The following DUS2 variants were observed in gnomAD, a reference collection of about 807,000 sequenced individuals.
The protein encoded by DUS2 is tRNA-dihydrouridine(20) synthase [NAD(P)+]-like.
DUS2 carries 52 observed loss-of-function variants against 71.3 expected under a neutral mutation model. The ratio of observed to expected loss-of-function variants is 0.73; its 90% CI spans 0.58 to 0.92. DUS2 has a LOEUF of 0.92. DUS2 is among the 40% of genes least tolerant of loss of function. The probability of loss-of-function intolerance (pLI) is 0.00; values close to 1 mark genes in which losing one functional copy is unlikely to be tolerated. For missense variants in DUS2, 558 were observed against 622.6 expected (o/e 0.90, Z 1.10); for synonymous variants, 204 against 227.8 (o/e 0.90, Z 0.94).
At chr16:68,066,234 G>A in intron 8 of DUS2, 83 bp from the exon 9 acceptor site, 2 of 1,275,486 alleles carry the variant, frequency 1.6e-6, no homozygotes, top group East Asian at 2.3e-5. Context: ...GGAATGCACA[G>A]CCTGTAGCGG....
At chr16:68,066,420 CTGG>C (rs1256742999) in intron 9 of DUS2, 38 bp downstream of exon 9, 1 of 1,606,178 alleles carries the variant, frequency 6.2e-7, no homozygotes, top group South Asian at 1.1e-5. Context: ...TCCATTCTCT[CTGG>C]TGATGTTGGA....
At chr16:68,075,243 T>G in intron 13 of DUS2, 112 bp from the exon 14 acceptor site, 5 of 1,021,436 alleles carry the variant, frequency 4.9e-6, no homozygotes, top group Non-Finnish European at 6.8e-6. Flanking sequence ...CCCGGTGGTG[T>G]TTTGGTGTAT....
chr16:68,042,902 T>G (rs1056489030), intron 3 of DUS2, among the ~76,000 whole-genome samples: 6 of 151,780 alleles, frequency 4.0e-5, no homozygotes, highest in African/African-American at 1.5e-4. Flanking sequence ...AGAGACGGGT[T>G]TTTCCATGTT....
At position 68,055,798 on chromosome 16, in the gene DUS2, G is replaced by A. The variant is rs143477234; in HGVS notation, c.309-566G>A. 5.1e-3 allele frequency among the ~76,000 whole-genome samples: 758 copies of A among 147,536 alleles called. 7 individuals carry two copies. Among genetic ancestry groups the A allele is most frequent in the African/African-American group, 0.017 (693 of 40,636 alleles). On this transcript the variant is annotated intron_variant, in intron 6 of 16. Transcript: ENST00000565263. Reference sequence around the variant, plus strand: ...CTATTAACTATGTATTACTATTTAGGTTGGTGCAAAAGTAATTGCGGTTTT... The same window carrying A: ...CTATTAACTATGTATTACTATTTAGATTGGTGCAAAAGTAATTGCGGTTTT...
At chr16:68,072,134 G>A (rs1187669579) in intron 12 of DUS2, among the ~76,000 whole-genome samples, 1 of 152,220 alleles carries the variant, frequency 6.6e-6, no homozygotes, top group Non-Finnish European at 1.5e-5. Context: ...GCCTAGGAGT[G>A]CCTGTGGCTG....
chr16:68,064,841 A>T (rs2033984507), intron 8 of DUS2, among the ~76,000 whole-genome samples: 1 of 152,108 alleles, frequency 6.6e-6, no homozygotes, highest in East Asian at 1.9e-4. Context: ...GGCCTGCTTC[A>T]TCCTGTCCCT....
At chr16:68,027,491 C>T (rs2033369268) in intron 2 of DUS2, among the ~76,000 whole-genome samples, 1 of 152,216 alleles carries the variant, frequency 6.6e-6, no homozygotes, top group South Asian at 2.1e-4. Flanking sequence ...AATCCGCCTG[C>T]CTTGGCCTCC....
intron 3 of DUS2, 131 bp downstream of exon 3, chr16:68,038,280 A>G: frequency 7.6e-7 from 1 of 1,307,552 alleles, no homozygotes; most frequent in Non-Finnish European, 1.0e-6. Context: ...CAAAGGCTGG[A>G]GGAGACAAAC....
chr16:68,060,312 TTTTG>T (rs1011146049), intron 7 of DUS2, among the ~76,000 whole-genome samples: 4 of 151,970 alleles, frequency 2.6e-5, no homozygotes, highest in African/African-American at 9.7e-5. Context: ...ATGATGACTT[TTTTG>T]TTTGTTTGTT....
chr16:68,071,080 A>T lies in DUS2; in HGVS notation c.782A>T (p.Glu261Val). ...CTCAAGGAGGGTCTGCGGCCCCTGG[A>T]GGAGGTCATGCAGAAATACATCAGA... ...IFLKEGLRPLEEVMQKYIRYA... is the reference protein window; with the variant it reads ...IFLKEGLRPLVEVMQKYIRYA... Residue 261 changes from glutamate to valine, a missense_variant, in exon 12 of 17, where the codon GAG (glutamate) becomes GTG (valine). Transcript: ENST00000565263. 6.2e-7 allele frequency: 1 copy of T among 1,614,194 alleles called. No individual in the cohort carries two copies. The highest frequency in any genetic ancestry group is 2.2e-5 in the East Asian group (1 of 44,888).
At position 68,078,812 on chromosome 16, in the gene DUS2, C is replaced by A; in HGVS notation, c.1308C>A (p.Leu436=). The change falls in exon 17 of 17, where the codon CTC becomes CTA. Residue 436 remains leucine, a synonymous_variant. Coordinates refer to ENST00000565263, the MANE Select transcript of DUS2 (RefSeq NM_017803.5). ...AAIVCLRSQG[L]PEGRLGEESP... ...TCGTCTGTCTGCGGAGCCAGGGCCT[C>A]CCTGAGGGTCGGCTGGGTGAGGAGA... The A allele has an allele frequency of 6.2e-7, 1 of 1,613,316 alleles. No individual in the cohort carries two copies. The highest frequency in any genetic ancestry group is 1.1e-5 in the South Asian group (1 of 91,080).
chr16:68,053,642 TG>T lies in DUS2; in HGVS notation c.253del (p.Val85SerfsTer19). 2 of 1,614,172 alleles carry T rather than the reference TG, an allele frequency of 1.2e-6. No individual in the cohort carries two copies. Among genetic ancestry groups the T allele is most frequent in the Non-Finnish European group, 8.5e-7 (1 of 1,180,038 alleles). On this transcript the variant is annotated frameshift_variant, in exon 5 of 17. Coordinates refer to ENST00000565263, the MANE Select transcript of DUS2 (RefSeq NM_017803.5). LOFTEE classifies it high-confidence loss of function. ...ACCTGTGAAAGAGAGCAGAACAGGGTGGTCTTCCAGATGGTGAGAGACTCCA... is the reference window on the plus strand; with the variant it reads ...ACCTGTGAAAGAGAGCAGAACAGGGTGTCTTCCAGATGGTGAGAGACTCCA... Reference protein sequence around the residue: ...FRTCEREQNRVVFQMGTSDAE... With the variant: ...FRTCEREQNRXVFQMGTSDAE...
At chr16:68,059,282 C>G (rs1272571434) in intron 7 of DUS2, among the ~76,000 whole-genome samples, 2 of 152,018 alleles carry the variant, frequency 1.3e-5, no homozygotes. Context: ...ACTTCTTACT[C>G]GTTACCCATT....
chr16:68,045,117 C>T (rs2033682446), intron 3 of DUS2, among the ~76,000 whole-genome samples: 1 of 152,028 alleles, frequency 6.6e-6, no homozygotes, highest in Non-Finnish European at 1.5e-5. Context: ...GATGTTATTA[C>T]AAATGGAATT....
intron 15 of DUS2, among the ~76,000 whole-genome samples, 194 bp downstream of exon 15, chr16:68,076,913 C>G (rs1427083466): frequency 7.0e-6 from 1 of 142,168 alleles, no homozygotes; most frequent in South Asian, 2.2e-4. Flanking sequence ...AGACATCTCT[C>G]TTTTTTTTTT....
At chr16:68,064,461 A>G (rs1403925845) in intron 8 of DUS2, among the ~76,000 whole-genome samples, 1 of 152,214 alleles carries the variant, frequency 6.6e-6, no homozygotes, top group Non-Finnish European at 1.5e-5. Flanking sequence ...TAAAATAGCA[A>G]AAGGAAGTTC....
chr16:68,049,593 G>T (rs1184968479), intron 4 of DUS2, 43 bp downstream of exon 4: 1 of 1,598,122 alleles, frequency 6.3e-7, no homozygotes, highest in African/African-American at 1.3e-5. Flanking sequence ...ATGCCCTGCT[G>T]GGCTCAAGCA....
At chr16:68,043,605 C>A (rs1464855472) in intron 3 of DUS2, among the ~76,000 whole-genome samples, 4 of 151,994 alleles carry the variant, frequency 2.6e-5, no homozygotes, top group Admixed American at 2.6e-4. Flanking sequence ...TCATATTCAC[C>A]CAGAATAGGT....
intron 6 of DUS2, 138 bp from the exon 7 acceptor site, chr16:68,056,226 G>A (rs1267214669): frequency 3.1e-6 from 2 of 637,804 alleles, no homozygotes; most frequent in East Asian, 2.8e-5. Context: ...TTCAGCTTCT[G>A]TCATTGGGGG....
Sources: allele counts gnomAD v4.1 joint callset (sites outside exome capture counted in the v4.1 genomes callset), GRCh38; gene constraint gnomAD v4.1.1; transcripts MANE v1.5; gene names NCBI Gene and HGNC (gene_info 2026-07-23, HGNC 2026-07-21).